The following FAM216A variants were observed in gnomAD, a reference collection of about 807,000 sequenced individuals.
FAM216A encodes protein FAM216A.
Under a neutral mutation model 37.6 loss-of-function variants are expected in FAM216A, and 26 were observed. The observed-to-expected ratio is 0.69, with a 90% CI of 0.51 to 0.96. FAM216A has a LOEUF of 0.96. FAM216A is among the 40% of genes least tolerant of loss of function. The pLI is 0.00. For synonymous variants in FAM216A, 110 were observed against 121.7 expected (o/e 0.90, Z 0.64); for missense variants, 326 against 339.3 (o/e 0.96, Z 0.31).
intron 2 of FAM216A, among the ~76,000 whole-genome samples, chr12:110,476,594 T>A (rs1334474771): frequency 6.6e-6 from 1 of 151,814 alleles, no homozygotes; most frequent in Non-Finnish European, 1.5e-5. Flanking sequence ...TTGCACAATC[T>A]TGGCTCACCG....
chr12:110,486,826 GT>G, intron 5 of FAM216A, 109 bp downstream of exon 5: 1 of 986,762 alleles, frequency 1.0e-6, no homozygotes, highest in Non-Finnish European at 1.5e-6. Context: ...GTGTGATACA[GT>G]TTACTGTATT....
intron 2 of FAM216A, among the ~76,000 whole-genome samples, chr12:110,478,572 T>C (rs1326863182): frequency 6.6e-6 from 1 of 152,078 alleles, no homozygotes; most frequent in African/African-American, 2.4e-5. Context: ...AAAGGAGAGA[T>C]CTTAACACCC....
intron 2 of FAM216A, among the ~76,000 whole-genome samples, chr12:110,475,248 A>G (rs1453116523): frequency 6.6e-6 from 1 of 152,040 alleles, no homozygotes; most frequent in East Asian, 1.9e-4. Context: ...TATTACTGTT[A>G]TTATTATTTT....
At chr12:110,478,388 A>T (rs2062726818) in intron 2 of FAM216A, among the ~76,000 whole-genome samples, 1 of 152,024 alleles carries the variant, frequency 6.6e-6, no homozygotes, top group Non-Finnish European at 1.5e-5. Flanking sequence ...AATCTCTCTA[A>T]CCTGTAAATA....
intron 2 of FAM216A, among the ~76,000 whole-genome samples, chr12:110,480,038 T>C (rs1206333126): frequency 6.7e-6 from 1 of 149,180 alleles, no homozygotes; most frequent in Non-Finnish European, 1.5e-5. Context: ...TTTTTTTTTT[T>C]CTTTGAGATG....
chr12:110,479,012 C>G (rs776570661), intron 2 of FAM216A, among the ~76,000 whole-genome samples: 21 of 151,568 alleles, frequency 1.4e-4, no homozygotes, highest in Non-Finnish European at 2.7e-4. Flanking sequence ...CACGGTGAAA[C>G]CCCCGTCTCT....
chr12:110,486,531 C>T lies in FAM216A; in HGVS notation c.437-3C>T, dbSNP rs1159370895. On this transcript the variant is annotated splice_polypyrimidine_tract_variant and splice_region_variant and intron_variant, in intron 4 of 6. Transcript: ENST00000377673. ...GTCTTTTAACAGGTGATTTGTATCA[C>T]AGGTGTCCTCACTCATCACAGAAGC... 1 of 1,611,724 alleles carries T rather than the reference C, an allele frequency of 6.2e-7. No individual in the cohort carries two copies. The highest frequency in any genetic ancestry group is 8.5e-7 in the Non-Finnish European group (1 of 1,178,214).
At chr12:110,486,282 C>A (rs777703961) in intron 3 of FAM216A, 43 bp from the exon 4 acceptor site, 2 of 1,535,870 alleles carry the variant, frequency 1.3e-6, no homozygotes, top group South Asian at 2.5e-5. Context: ...GCCAACTTCT[C>A]TAATACAATG....
At chr12:110,473,171 A>G in intron 2 of FAM216A, 53 bp downstream of exon 2, 1 of 1,026,980 alleles carries the variant, frequency 9.7e-7, no homozygotes, top group Non-Finnish European at 1.4e-6. Flanking sequence ...GGTTCTGAGA[A>G]GCCTATTTGT....
At chr12:110,480,054 T>A (rs531951956) in intron 2 of FAM216A, among the ~76,000 whole-genome samples, 1 of 151,584 alleles carries the variant, frequency 6.6e-6, no homozygotes, top group East Asian at 1.9e-4. Flanking sequence ...AGATGGAGTT[T>A]CGCTCTTGTT....
chr12:110,485,298 T>C (rs2062771456), intron 3 of FAM216A, 99 bp downstream of exon 3: 23 of 1,017,872 alleles, frequency 2.3e-5, no homozygotes, highest in Non-Finnish European at 3.3e-5. Flanking sequence ...ATACTGCAGA[T>C]GACAAGGCAT....
chr12:110,472,183 A>T (rs919921606), intron 1 of FAM216A, among the ~76,000 whole-genome samples: 1 of 151,968 alleles, frequency 6.6e-6, no homozygotes, highest in Non-Finnish European at 1.5e-5. Flanking sequence ...GTGAACGGAG[A>T]TCACGCCATT....
intron 2 of FAM216A, among the ~76,000 whole-genome samples, chr12:110,482,567 G>A (rs774483817): frequency 2.6e-5 from 4 of 151,268 alleles, no homozygotes; most frequent in African/African-American, 7.3e-5. Context: ...AGGCTGAGGC[G>A]GTCAGATCAC....
intron 2 of FAM216A, among the ~76,000 whole-genome samples, chr12:110,473,938 AGTGT>A (rs888724294): frequency 2.6e-5 from 4 of 152,028 alleles, no homozygotes; most frequent in African/African-American, 7.2e-5. Context: ...TGACTGTAGG[AGTGT>A]GTGTGTATGT....
intron 1 of FAM216A, among the ~76,000 whole-genome samples, chr12:110,470,154 A>T (rs2062674915): frequency 6.7e-6 from 1 of 148,294 alleles, no homozygotes; most frequent in Non-Finnish European, 1.5e-5. Flanking sequence ...GCTGGAGTGC[A>T]GTGGTGCCAT....
chr12:110,484,969 G>C (rs1014436178), intron 2 of FAM216A, 109 bp from the exon 3 acceptor site: 1 of 1,102,178 alleles, frequency 9.1e-7, no homozygotes, highest in African/African-American at 1.6e-5. Flanking sequence ...CAAAGTGCTG[G>C]GATTACAGGC....
chr12:110,485,289 T>C (rs2062771406), intron 3 of FAM216A, 90 bp downstream of exon 3: 3 of 1,174,072 alleles, frequency 2.6e-6, no homozygotes, highest in Non-Finnish European at 1.2e-6. Flanking sequence ...GAGGGTGAGA[T>C]ACTGCAGATG....
chr12:110,476,409 C>G (rs1459350130), intron 2 of FAM216A, among the ~76,000 whole-genome samples: 1 of 151,920 alleles, frequency 6.6e-6, no homozygotes, highest in Non-Finnish European at 1.5e-5. Context: ...GGGGTTTCAC[C>G]ATGTTAGCCA....
At chr12:110,475,627 A>T (rs1334103994) in intron 2 of FAM216A, among the ~76,000 whole-genome samples, 1 of 151,732 alleles carries the variant, frequency 6.6e-6, no homozygotes, top group Admixed American at 6.6e-5. Context: ...GCTGGAATGC[A>T]GTGGTGCAAT....
Sources: gnomAD v4.1 joint callset for allele counts (sites outside exome capture counted in the v4.1 genomes callset) on GRCh38, gnomAD v4.1.1 for gene constraint, MANE v1.5 for transcripts, NCBI Gene and HGNC (gene_info 2026-07-23, HGNC 2026-07-21) for gene names.